The following GABRA3 variants were observed in gnomAD, a reference collection of about 807,000 sequenced individuals.
GABRA3 encodes gamma-aminobutyric acid receptor subunit alpha-3.
A neutral mutation model predicts 30.1 loss-of-function variants in GABRA3; 10 were observed. That is an observed-to-expected ratio of 0.33 (90% CI 0.20 to 0.56). GABRA3 has a LOEUF of 0.56. Ranked by LOEUF, GABRA3 falls within the 20% of genes least tolerant of loss-of-function variation. The probability of loss-of-function intolerance (pLI) is 0.89; values close to 1 mark genes in which losing one functional copy is unlikely to be tolerated. For synonymous variants in GABRA3, 151 were observed against 146.8 expected (o/e 1.03, Z -0.21); for missense variants, 233 against 392.0 (o/e 0.59, Z 3.42).
chrX:152,241,821 C>A (rs1279792571), intron 5 of GABRA3, among the ~76,000 whole-genome samples: 1 of 111,741 alleles, frequency 8.9e-6, no homozygotes. Context: ...TCCCTGACCC[C>A]TTGCTCTTCC....
intron 6 of GABRA3, among the ~76,000 whole-genome samples, chrX:152,218,088 G>T (rs1338783269): frequency 1.8e-5 from 2 of 108,217 alleles, no homozygotes; most frequent in Non-Finnish European, 3.9e-5. Context: ...TTTAAATATA[G>T]GTTTTACAGT....
chrX:152,355,357 C>T (rs770056204), intron 2 of GABRA3, among the ~76,000 whole-genome samples: 2 of 111,226 alleles, frequency 1.8e-5, no homozygotes, highest in African/African-American at 3.3e-5. Flanking sequence ...ACATTATGGG[C>T]GCCATTGGCC....
At chrX:152,307,221 GAAATT>G in intron 3 of GABRA3, among the ~76,000 whole-genome samples, 1 of 111,580 alleles carries the variant, frequency 9.0e-6, no homozygotes, top group Middle Eastern at 4.7e-3. Context: ...ATAATTAAAC[GAAATT>G]AAAGTAAAGT....
intron 7 of GABRA3, among the ~76,000 whole-genome samples, chrX:152,200,472 C>G (rs1231783011): frequency 9.0e-6 from 1 of 110,834 alleles, no homozygotes; most frequent in East Asian, 2.8e-4. Flanking sequence ...TTTGGAGTTC[C>G]CATCTCTTTT....
intron 6 of GABRA3, among the ~76,000 whole-genome samples, chrX:152,224,433 T>G (rs1343038127): frequency 4.5e-5 from 5 of 112,207 alleles, no homozygotes; most frequent in African/African-American, 1.6e-4. Flanking sequence ...CTTAGGTAGC[T>G]GTGACTGTAT....
chrX:152,328,847 C>T (rs867136950), intron 3 of GABRA3, among the ~76,000 whole-genome samples: 3 of 111,429 alleles, frequency 2.7e-5, no homozygotes, highest in African/African-American at 9.8e-5. Context: ...AAGTTCTGGC[C>T]AGGGCAATCA....
At chrX:152,214,697 C>T (rs1344010450) in intron 6 of GABRA3, among the ~76,000 whole-genome samples, 1 of 111,025 alleles carries the variant, frequency 9.0e-6, no homozygotes, top group Non-Finnish European at 1.9e-5. Flanking sequence ...TCAGTTCTTC[C>T]AGTCCATGAA....
intron 6 of GABRA3, 26 bp downstream of exon 6, chrX:152,224,737 C>CAGAG (rs55983378): frequency 9.0e-6 from 9 of 998,270 alleles, no homozygotes; most frequent in East Asian, 3.2e-5. Context: ...AAAAAAAAGA[C>CAGAG]AGAGAGAGAG....
Position 152,333,434 on chromosome X carries a change from A to G in GABRA3, c.262+12147T>C, listed in dbSNP as rs1335187094. ...CACTGAAATAAGAAACAAAACAAGG[A>G]TAGCTGCTATTACCTCTTCTGTTCT... On this transcript the variant is annotated intron_variant, in intron 3 of 9. Transcript: ENST00000370314. 2.7e-5 allele frequency among the ~76,000 whole-genome samples: 3 copies of G among 112,004 alleles called. No homozygotes were observed. In the Admixed American group the frequency reaches 2.9e-4, roughly 11 times the overall value.
chrX:152,278,296 T>A (rs2124434257), intron 4 of GABRA3, among the ~76,000 whole-genome samples: 1 of 103,031 alleles, frequency 9.7e-6, no homozygotes, highest in East Asian at 3.1e-4. Flanking sequence ...TGTGTGATGT[T>A]CCCCTTCCTG....
chrX:152,329,762 G>A (rs1940131469), intron 3 of GABRA3, among the ~76,000 whole-genome samples: 1 of 111,657 alleles, frequency 9.0e-6, no homozygotes, highest in Non-Finnish European at 1.9e-5. Flanking sequence ...AAACCTAGGT[G>A]AAACCATTCA....
intron 4 of GABRA3, among the ~76,000 whole-genome samples, chrX:152,256,460 T>A (rs943851594): frequency 2.7e-5 from 3 of 111,444 alleles, no homozygotes; most frequent in African/African-American, 9.8e-5. Flanking sequence ...TAACAATATG[T>A]CTGATTAGCA....
chrX:152,276,442 A>C (rs190847774), intron 4 of GABRA3, among the ~76,000 whole-genome samples: 1 of 112,201 alleles, frequency 8.9e-6, no homozygotes, highest in Admixed American at 9.5e-5. Flanking sequence ...GATTCATCAC[A>C]AGAGTATTTG....
chrX:152,376,628 AAT>A (rs1325375919), intron 1 of GABRA3, among the ~76,000 whole-genome samples: 3 of 111,290 alleles, frequency 2.7e-5, no homozygotes, highest in Non-Finnish European at 1.9e-5. Flanking sequence ...AAATTCTACC[AAT>A]ATGTTTCTTT....
intron 7 of GABRA3, among the ~76,000 whole-genome samples, chrX:152,204,416 G>A (rs945103543): frequency 9.0e-6 from 1 of 111,090 alleles, no homozygotes; most frequent in Non-Finnish European, 1.9e-5. Flanking sequence ...TAGAAAGGGA[G>A]TGATCCATGT....
At chrX:152,310,597 A>C (rs1569393074) in intron 3 of GABRA3, among the ~76,000 whole-genome samples, 1 of 111,830 alleles carries the variant, frequency 8.9e-6, no homozygotes, top group Non-Finnish European at 1.9e-5. Context: ...AAACACCTGC[A>C]TCAAAAAGTT....
intron 9 of GABRA3, among the ~76,000 whole-genome samples, chrX:152,168,947 A>C (rs148624140): frequency 6.2e-4 from 70 of 112,200 alleles, no homozygotes; most frequent in African/African-American, 2.1e-3. Flanking sequence ...AATCTTATAC[A>C]TCATGTGATT....
intron 7 of GABRA3, among the ~76,000 whole-genome samples, chrX:152,200,455 T>C (rs1216384320): frequency 4.5e-5 from 5 of 112,178 alleles, no homozygotes; most frequent in Non-Finnish European, 9.4e-5. Context: ...AAATTGAAAA[T>C]TACAACTTTG....
Position 152,422,054 on chromosome X carries a change from A to T in GABRA3, c.-27+29092T>A, listed in dbSNP as rs140352697. 2.4e-3 allele frequency among the ~76,000 whole-genome samples: 264 copies of T among 111,458 alleles called. 6 individuals carry two copies. The East Asian group carries it at 0.059, about 25-fold the overall frequency. On this transcript the variant is annotated intron_variant, in intron 1 of 9. Coordinates refer to ENST00000370314, the MANE Select transcript of GABRA3 (RefSeq NM_000808.4). ...CAAAATTCTCATCTTAGTTATACAG[A>T]CAACAAAATGTGGACATGTGTTCAG...
Sources: allele counts gnomAD v4.1 joint callset (sites outside exome capture counted in the v4.1 genomes callset), GRCh38; gene constraint gnomAD v4.1.1; transcripts MANE v1.5; gene names NCBI Gene and HGNC (gene_info 2026-07-23, HGNC 2026-07-21).